COLEC10: variants seen among roughly 807,000 people sequenced by gnomAD.
The protein encoded by COLEC10 is collectin-10.
A neutral mutation model predicts 28.4 loss-of-function variants in COLEC10; 22 were observed. That is an observed-to-expected ratio of 0.78 (90% confidence interval 0.55 to 1.11). The LOEUF is 1.11. COLEC10 is among the 50% of genes least tolerant of loss of function. The pLI is 0.00. For synonymous variants in COLEC10, 125 were observed against 116.1 expected (o/e 1.08, Z -0.49); for missense variants, 361 against 344.1 (o/e 1.05, Z -0.39).
chr8:118,955,732 G>A, the COLEC10 span, among the ~76,000 whole-genome samples: 11 of 152,170 alleles, frequency 7.2e-5, no homozygotes, highest in African/African-American at 1.4e-4. Flanking sequence ...GTGTTAGTAG[G>A]TCTCCCAGTG....
chr8:119,047,366 T>A (rs1052774232), intron 2 of COLEC10, among the ~76,000 whole-genome samples: 2 of 152,168 alleles, frequency 1.3e-5, no homozygotes, highest in Non-Finnish European at 2.9e-5. Context: ...GCCAAAAGTG[T>A]GGCCATGGCC....
At chr8:119,038,483 C>T (rs1052677707) in intron 2 of COLEC10, among the ~76,000 whole-genome samples, 1 of 152,138 alleles carries the variant, frequency 6.6e-6, no homozygotes, top group East Asian at 1.9e-4. Flanking sequence ...TTTAAACTTT[C>T]TTATCCTTGG....
At chr8:118,988,476 A>T in the COLEC10 span, among the ~76,000 whole-genome samples, 11 of 152,130 alleles carry the variant, frequency 7.2e-5, no homozygotes, top group African/African-American at 2.7e-4. Flanking sequence ...GGGGAAAGAC[A>T]TCATCAACAG....
At chr8:119,003,680 G>A (rs1049867417) in intron 1 of COLEC10, among the ~76,000 whole-genome samples, 1 of 152,002 alleles carries the variant, frequency 6.6e-6, no homozygotes, top group African/African-American at 2.4e-5. Flanking sequence ...AAGCTTCATA[G>A]TAAGAGAGAT....
intron 2 of COLEC10, among the ~76,000 whole-genome samples, chr8:119,051,057 T>C (rs1334911922): frequency 7.9e-5 from 12 of 152,150 alleles, no homozygotes; most frequent in African/African-American, 2.9e-4. Context: ...GCTAAGTATT[T>C]AAGTGAAACA....
intron 2 of COLEC10, among the ~76,000 whole-genome samples, chr8:119,039,276 A>G (rs1020291784): frequency 6.6e-6 from 1 of 152,166 alleles, no homozygotes; most frequent in Admixed American, 6.5e-5. Flanking sequence ...GCAGTTTTCA[A>G]TATGAAATAG....
chr8:119,014,561 C>T (rs1359816772), intron 2 of COLEC10, among the ~76,000 whole-genome samples: 1 of 150,430 alleles, frequency 6.6e-6, no homozygotes, highest in South Asian at 2.1e-4. Flanking sequence ...GTCTGCTTGA[C>T]ATTTATCCTC....
chr8:118,983,418 C>A, the COLEC10 span, among the ~76,000 whole-genome samples: 1 of 152,076 alleles, frequency 6.6e-6, no homozygotes, highest in Non-Finnish European at 1.5e-5. Flanking sequence ...TCTTCATGAA[C>A]CCAGTCTGCT....
rs1586999861 is a variant in COLEC10 at position 119,016,897 on chromosome 8, T to G, written n.235+7344T>G. Among the ~76,000 whole-genome samples the G allele has an allele frequency of 2.6e-5, 4 of 152,166 alleles. No individual in the cohort carries two copies. In the South Asian group the frequency reaches 8.3e-4, roughly 32 times the overall value. On this transcript the variant is annotated intron_variant and non_coding_transcript_variant, in intron 2 of 6. Transcript: ENST00000521788. ...ACGCCCAGCTAATTCTTGTATTTTT[T>G]GTAGAGATGGAGTTTCACCATGTTG...
intron 1 of COLEC10, among the ~76,000 whole-genome samples, chr8:119,001,672 G>T (rs1054881908): frequency 6.6e-6 from 1 of 151,600 alleles, no homozygotes; most frequent in South Asian, 2.1e-4. Flanking sequence ...CCTGGTTCTC[G>T]ATTCCACTTT....
chr8:118,959,069 C>T, the COLEC10 span, among the ~76,000 whole-genome samples: 2 of 152,178 alleles, frequency 1.3e-5, no homozygotes, highest in Non-Finnish European at 2.9e-5. Flanking sequence ...GTACTTACCA[C>T]AGTTTACATT....
chr8:118,984,705 G>A, the COLEC10 span, among the ~76,000 whole-genome samples: 1 of 152,040 alleles, frequency 6.6e-6, no homozygotes, highest in Non-Finnish European at 1.5e-5. Context: ...AAAACCACCA[G>A]AGCCTAGGAA....
At chr8:119,027,277 T>C (rs1238651877) in intron 2 of COLEC10, among the ~76,000 whole-genome samples, 1 of 152,180 alleles carries the variant, frequency 6.6e-6, no homozygotes, top group Admixed American at 6.5e-5. Flanking sequence ...AGATATAACC[T>C]TGGACTTCTC....
At chr8:119,083,095 C>T (rs1046426141) in intron 1 of COLEC10, among the ~76,000 whole-genome samples, 2 of 152,156 alleles carry the variant, frequency 1.3e-5, no homozygotes, top group African/African-American at 4.8e-5. Context: ...AACTTACACT[C>T]GTCAACCAAA....
chr8:118,997,470 GAGTTT>G (rs374576506), intron 1 of COLEC10, among the ~76,000 whole-genome samples: 77 of 152,182 alleles, frequency 5.1e-4, no homozygotes, highest in African/African-American at 1.5e-3. Flanking sequence ...AATTCATTTT[GAGTTT>G]AGTTTTGTTC....
At chr8:119,073,310 T>C (rs74678002) in intron 1 of COLEC10, among the ~76,000 whole-genome samples, 4,078 of 152,300 alleles carry the variant, frequency 0.027, 210 homozygotes, top group African/African-American at 0.093. Context: ...AATGATTAGT[T>C]GGTTTTATAA....
the COLEC10 span, among the ~76,000 whole-genome samples, chr8:118,983,238 A>C: frequency 2.6e-5 from 4 of 152,126 alleles, no homozygotes; most frequent in Non-Finnish European, 5.9e-5. Flanking sequence ...TCTTGTGTCT[A>C]CTGGAATGCA....
the COLEC10 span, among the ~76,000 whole-genome samples, chr8:118,983,458 G>A: frequency 0.025 from 3,777 of 152,128 alleles, 77 homozygotes; most frequent in Non-Finnish European, 0.04. Flanking sequence ...TTATTTTATG[G>A]AGGCTCATAG....
intron 2 of COLEC10, among the ~76,000 whole-genome samples, chr8:119,020,712 TA>T (rs1814075732): frequency 6.6e-6 from 1 of 152,218 alleles, no homozygotes; most frequent in African/African-American, 2.4e-5. Flanking sequence ...CTTACTTTTT[TA>T]TTATAAGTCT....
Sources: gnomAD v4.1 joint callset for allele counts (sites outside exome capture counted in the v4.1 genomes callset) on GRCh38, gnomAD v4.1.1 for gene constraint, MANE v1.5 for transcripts, NCBI Gene and HGNC (gene_info 2026-07-23, HGNC 2026-07-21) for gene names.